The following RASGEF1B variants were observed in gnomAD, a reference collection of about 807,000 sequenced individuals.
RASGEF1B encodes the protein ras-GEF domain-containing family member 1B.
In RASGEF1B, 30 loss-of-function variants were observed where a neutral mutation model predicts 65.7. The ratio of observed to expected loss-of-function variants is 0.46; its 90% CI spans 0.34 to 0.62. The LOEUF is 0.62. Ranked by LOEUF, RASGEF1B falls within the 20% of genes least tolerant of loss-of-function variation. The pLI, the probability that RASGEF1B is intolerant of heterozygous loss-of-function variation, is 0.01. For missense variants in RASGEF1B, 495 were observed against 580.1 expected (o/e 0.85, Z 1.51); for synonymous variants, 175 against 194.8 (o/e 0.90, Z 0.85).
At chr4:81,458,756 T>A (rs923561301) in intron 2 of RASGEF1B, among the ~76,000 whole-genome samples, 1 of 152,184 alleles carries the variant, frequency 6.6e-6, no homozygotes, top group African/African-American at 2.4e-5. Context: ...TTTTCTCCTC[T>A]CTTCCCTCTT....
At chr4:81,462,221 G>A (rs1722670784) in intron 1 of RASGEF1B, among the ~76,000 whole-genome samples, 1 of 152,140 alleles carries the variant, frequency 6.6e-6, no homozygotes. Flanking sequence ...TTTAGTGCAA[G>A]GTTCTTCTTA....
chr4:81,442,790 T>TC (rs1278178084), intron 8 of RASGEF1B, among the ~76,000 whole-genome samples: 1 of 152,252 alleles, frequency 6.6e-6, no homozygotes, highest in Non-Finnish European at 1.5e-5. Context: ...TATATTACAG[T>TC]CACATGTTAG....
intron 1 of RASGEF1B, among the ~76,000 whole-genome samples, chr4:81,470,661 AT>A (rs1309256416): frequency 2.6e-5 from 4 of 152,164 alleles, no homozygotes; most frequent in Non-Finnish European, 4.4e-5. Context: ...ACATACACAA[AT>A]TTGTGTGCAT....
chr4:81,447,144 T>G (rs144847849), intron 6 of RASGEF1B, among the ~76,000 whole-genome samples: 8 of 152,308 alleles, frequency 5.3e-5, no homozygotes, highest in East Asian at 1.9e-4. Context: ...CTGCTATTGT[T>G]GAATTATGGG....
At chr4:81,457,657 C>G (rs748030820) in intron 2 of RASGEF1B, 36 bp from the exon 3 acceptor site, 3 of 1,607,620 alleles carry the variant, frequency 1.9e-6, no homozygotes, top group Non-Finnish European at 1.7e-6. Context: ...TCGTTACATT[C>G]TCTCTGAAAT....
chr4:81,432,365 T>C lies in RASGEF1B; in HGVS notation c.1331A>G (p.Tyr444Cys), dbSNP rs1441527282. 6.2e-7 allele frequency: 1 copy of C among 1,603,314 alleles called. No homozygotes were observed. Among genetic ancestry groups the C allele is most frequent in the Non-Finnish European group, 8.5e-7 (1 of 1,171,082 alleles). The change falls in exon 13 of 14, where the codon TAC becomes TGC. Residue 444 changes from tyrosine (Y) to cysteine (C), a missense_variant. Transcript: ENST00000264400. The stretch of plus-strand genomic sequence containing the variant: ...TCCTTCACTCTCATAAGAAGCCAAG[T>C]AGAGAGCTACAATCAAACAAAAGAA... ...TVPVFSEDAL[Y>C]LASYESEGPE...
intron 1 of RASGEF1B, among the ~76,000 whole-genome samples, chr4:81,463,519 G>C (rs915519549): frequency 6.6e-6 from 1 of 152,106 alleles, no homozygotes; most frequent in Non-Finnish European, 1.5e-5. Context: ...TTTAATGAAA[G>C]AAATGACCAA....
chr4:81,432,341 C>G lies in RASGEF1B; in HGVS notation c.1355G>C (p.Gly452Ala). 2 of 1,610,254 alleles carry G rather than the reference C, an allele frequency of 1.2e-6. No homozygotes were observed. Among genetic ancestry groups the G allele is most frequent in the Non-Finnish European group, 8.5e-7 (1 of 1,177,044 alleles). Reference sequence around the variant, plus strand: ...GTCTTTCTCTATATGATTTTCAGGTCCTTCACTCTCATAAGAAGCCAAGTA... The same window carrying G: ...GTCTTTCTCTATATGATTTTCAGGTGCTTCACTCTCATAAGAAGCCAAGTA... Reference protein sequence around the residue: ...ALYLASYESEGPENHIEKDRW... With the variant: ...ALYLASYESEAPENHIEKDRW... The change falls in exon 13 of 14, where the codon GGA becomes GCA. Residue 452 changes from glycine (G) to alanine (A), a missense_variant. By Grantham distance (60) the Gly-to-Ala change is moderately conservative (BLOSUM62 0). Transcript: ENST00000264400.
At chr4:81,450,530 T>A (rs546762287) in intron 4 of RASGEF1B, among the ~76,000 whole-genome samples, 9 of 121,638 alleles carry the variant, frequency 7.4e-5, no homozygotes, top group Non-Finnish European at 1.3e-4. Flanking sequence ...CATACCCAGC[T>A]AATTTGTTGT....
At chr4:81,444,511 T>A (rs1352560381) in intron 8 of RASGEF1B, among the ~76,000 whole-genome samples, 2 of 152,178 alleles carry the variant, frequency 1.3e-5, no homozygotes, top group Admixed American at 1.3e-4. Context: ...TTCAAACTGA[T>A]CCTTCGAAAA....
chr4:81,443,852 A>C (rs372350196), intron 8 of RASGEF1B, among the ~76,000 whole-genome samples: 1 of 152,246 alleles, frequency 6.6e-6, no homozygotes, highest in African/African-American at 2.4e-5. Context: ...ATTGCTGAAC[A>C]GTTTTCCAAA....
intron 1 of RASGEF1B, 44 bp from the exon 2 acceptor site, chr4:81,459,558 C>A: frequency 1.4e-6 from 2 of 1,416,088 alleles, no homozygotes; most frequent in Admixed American, 2.4e-5. Context: ...CAGCAATATG[C>A]AGTATGAAAA....
chr4:81,463,041 C>G (rs557423342), intron 1 of RASGEF1B, among the ~76,000 whole-genome samples: 1 of 152,160 alleles, frequency 6.6e-6, no homozygotes, highest in African/African-American at 2.4e-5. Flanking sequence ...ATTTATTACA[C>G]TACATTATGA....
At chr4:81,456,948 A>G (rs1328300624) in intron 3 of RASGEF1B, among the ~76,000 whole-genome samples, 160 bp from the exon 4 acceptor site, 1 of 152,162 alleles carries the variant, frequency 6.6e-6, no homozygotes, top group Non-Finnish European at 1.5e-5. Context: ...GCCAAGTGCC[A>G]CCAACTTAAG....
intron 1 of RASGEF1B, among the ~76,000 whole-genome samples, chr4:81,470,036 T>C (rs2110003088): frequency 6.6e-6 from 1 of 152,294 alleles, no homozygotes; most frequent in South Asian, 2.1e-4. Flanking sequence ...CCAGAAAATC[T>C]GCTTGAGAGG....
intron 8 of RASGEF1B, among the ~76,000 whole-genome samples, chr4:81,444,176 G>C (rs955373399): frequency 2.0e-5 from 3 of 151,972 alleles, no homozygotes; most frequent in Admixed American, 6.6e-5. Context: ...GTAGATTCTG[G>C]ATACAAGTTA....
In RASGEF1B at chr4:81,427,633, C is replaced by G. The variant is rs1721272134; in HGVS notation, c.*135G>C. Reference sequence around the variant, plus strand: ...ATCTGGTCTTGAGTGAGCTTGTGTGCTTTGCTGACCCGGGTGCTCCAATGA... The same window carrying G: ...ATCTGGTCTTGAGTGAGCTTGTGTGGTTTGCTGACCCGGGTGCTCCAATGA... On this transcript the variant is annotated 3_prime_UTR_variant, in exon 14 of 14. Coordinates refer to ENST00000264400, the MANE Select transcript of RASGEF1B (RefSeq NM_152545.3). The G allele has an allele frequency of 1.2e-6, 1 of 858,570 alleles. No homozygotes were observed. Among genetic ancestry groups the G allele is most frequent in the East Asian group, 2.7e-5 (1 of 37,354 alleles). 53.2% of individuals were successfully genotyped at this position (858,570 alleles called of 1,614,324 possible).
intron 12 of RASGEF1B, 85 bp downstream of exon 12, chr4:81,433,755 A>C: frequency 7.0e-7 from 1 of 1,421,372 alleles, no homozygotes; most frequent in Non-Finnish European, 9.8e-7. Flanking sequence ...CCTCATTACT[A>C]TATGAGTAAC....
intron 1 of RASGEF1B, among the ~76,000 whole-genome samples, chr4:81,461,834 G>T (rs1392384141): frequency 6.6e-6 from 1 of 152,146 alleles, no homozygotes; most frequent in African/African-American, 2.4e-5. Context: ...GGGGTAAGGT[G>T]ACCAGGCTAA....
Sources: gnomAD v4.1 joint callset for allele counts (sites outside exome capture counted in the v4.1 genomes callset) on GRCh38, gnomAD v4.1.1 for gene constraint, MANE v1.5 for transcripts, NCBI Gene and HGNC (gene_info 2026-07-23, HGNC 2026-07-21) for gene names.